SULT6B1: variants seen among roughly 807,000 people sequenced by gnomAD.
The protein encoded by SULT6B1 is sulfotransferase 6B1.
SULT6B1 carries 44 observed loss-of-function variants against 37.2 expected under a neutral mutation model. The ratio of observed to expected loss-of-function variants is 1.18; its 90% CI spans 0.93 to 1.52. SULT6B1 has a LOEUF of 1.52. SULT6B1 is among the 40% of genes most tolerant of loss of function. SULT6B1 has a pLI of 0.00. For missense variants in SULT6B1, 450 were observed against 361.0 expected (o/e 1.25, Z -2.00); for synonymous variants, 140 against 126.0 (o/e 1.11, Z -0.74).
rs1676298632 is a variant in SULT6B1 at position 37,171,531 on chromosome 2, C to T, written c.684G>A (p.Glu228=). 1.2e-6 allele frequency: 2 copies of T among 1,614,134 alleles called. No individual in the cohort carries two copies. Among genetic ancestry groups the T allele is most frequent in the African/African-American group, 2.7e-5 (2 of 75,048 alleles). ...AEFLGFFLTG[E]QIQTISVQST... ...TCTGGACTGAGATAGTTTGAATTTG[C>T]TCCCCAGTTAGAAAGAATCCCAAGA... Residue 228 remains glutamate (E), a synonymous_variant, in exon 6 of 7, where the codon GAG becomes GAA. Coordinates refer to ENST00000535679, the MANE Select transcript of SULT6B1 (RefSeq NM_001367551.1).
At chr2:37,176,784 C>G (rs899844319) in intron 4 of SULT6B1, among the ~76,000 whole-genome samples, 1 of 152,126 alleles carries the variant, frequency 6.6e-6, no homozygotes, top group Non-Finnish European at 1.5e-5. Context: ...GATATCCTGC[C>G]TTCCTCAGAG....
At chr2:37,170,534 C>G (rs756898944) in intron 6 of SULT6B1, among the ~76,000 whole-genome samples, 2 of 151,850 alleles carry the variant, frequency 1.3e-5, no homozygotes, top group Admixed American at 1.3e-4. Flanking sequence ...CAGTGGCTCA[C>G]GCCTGTAATC....
At chr2:37,175,849 C>T (rs1173447688) in intron 4 of SULT6B1, among the ~76,000 whole-genome samples, 4 of 152,104 alleles carry the variant, frequency 2.6e-5, no homozygotes, top group South Asian at 2.1e-4. Context: ...ATTGAAAATA[C>T]TTGATGTATA....
intron 5 of SULT6B1, among the ~76,000 whole-genome samples, chr2:37,174,092 C>A (rs10432634): frequency 0.28 from 41,822 of 151,838 alleles, 6,840 homozygotes; most frequent in East Asian, 0.79. Flanking sequence ...CAGGACTATC[C>A]CAGCTTTTGC....
intron 6 of SULT6B1, 141 bp from the exon 7 acceptor site, chr2:37,168,206 T>C (rs908086202): frequency 7.3e-6 from 6 of 822,182 alleles, no homozygotes; most frequent in Admixed American, 8.2e-5. Context: ...TTTAGTTTTT[T>C]TCAGACGGTG....
At chr2:37,173,971 G>C (rs1228143300) in intron 5 of SULT6B1, among the ~76,000 whole-genome samples, 1 of 152,102 alleles carries the variant, frequency 6.6e-6, no homozygotes, top group African/African-American at 2.4e-5. Context: ...CAAAGTGAAA[G>C]CCAGAGTGAG....
At chr2:37,195,232 G>A (rs924961669) in intron 1 of SULT6B1, among the ~76,000 whole-genome samples, 1 of 152,228 alleles carries the variant, frequency 6.6e-6, no homozygotes, top group South Asian at 2.1e-4. Context: ...TTACAGGTGT[G>A]AGCCACCGCA....
intron 4 of SULT6B1, among the ~76,000 whole-genome samples, chr2:37,179,115 C>T (rs1028215058): frequency 5.3e-5 from 8 of 152,144 alleles, no homozygotes; most frequent in South Asian, 2.1e-4. Flanking sequence ...CGTGCCACCA[C>T]GCCAGGCTAA....
chr2:37,169,212 C>A (rs539419059), intron 6 of SULT6B1, among the ~76,000 whole-genome samples: 4 of 152,264 alleles, frequency 2.6e-5, no homozygotes, highest in African/African-American at 9.6e-5. Context: ...CTATTTCCTA[C>A]CTCCTGAAAG....
upstream of SULT6B1, among the ~76,000 whole-genome samples, chr2:37,193,438 G>C (rs1572469973): frequency 6.6e-6 from 1 of 151,870 alleles, no homozygotes; most frequent in Non-Finnish European, 1.5e-5. Context: ...CTCCAGCCCG[G>C]GTGACAGAGT....
chr2:37,180,208 C>G (rs1471482950), intron 3 of SULT6B1, among the ~76,000 whole-genome samples: 1 of 152,202 alleles, frequency 6.6e-6, no homozygotes, highest in African/African-American at 2.4e-5. Context: ...CCTTCTATTT[C>G]AAGAACTGAG....
At chr2:37,183,800 T>C (rs1172907278) in intron 2 of SULT6B1, among the ~76,000 whole-genome samples, 1 of 152,146 alleles carries the variant, frequency 6.6e-6, no homozygotes, top group African/African-American at 2.4e-5. Context: ...TCTACCACCA[T>C]GCCCAGTTAA....
chr2:37,193,604 AAG>A (rs1233390946), upstream of SULT6B1, among the ~76,000 whole-genome samples: 1 of 111,652 alleles, frequency 9.0e-6, no homozygotes, highest in Non-Finnish European at 1.9e-5. Context: ...GAAAAAGAAG[AAG>A]AAGAAGAAGA....
chr2:37,188,548 C>G lies in SULT6B1; in HGVS notation c.93G>C (p.Gln31His). Residue 31 changes from glutamine to histidine, a missense_variant, in exon 1 of 7, where the codon CAG (glutamine) becomes CAC (histidine). Transcript: ENST00000535679. ...TALSHLFFTY[Q>H]GIPYPITMCT... ...ACATGGTGATGGGGTAAGGAATCCC[C>G]TGATAGGTGAAAAATAAATGAGAGA... is the stretch of plus-strand genomic sequence containing the variant. The G allele has an allele frequency of 2.5e-6, 4 of 1,612,932 alleles. No homozygotes were observed. The highest frequency in any genetic ancestry group is 3.4e-6 in the Non-Finnish European group (4 of 1,178,928).
At position 37,188,528 on chromosome 2, in the gene SULT6B1, G is replaced by T. The variant is rs1309112870; in HGVS notation, c.113C>A (p.Thr38Asn). The change falls in exon 1 of 7, where the codon ACC (threonine) becomes AAC (asparagine). Residue 38 changes from threonine (T) to asparagine (N), a missense_variant. Physicochemically the swap from Thr to Asn is moderately conservative, Grantham distance 65. Coordinates refer to ENST00000535679, the MANE Select transcript of SULT6B1 (RefSeq NM_001367551.1). ...TTGGAAAGTTTCTGAGGTGCACATG[G>T]TGATGGGGTAAGGAATCCCCTGATA... ...FTYQGIPYPI[T>N]MCTSETFQAL... 6.2e-7 allele frequency: 1 copy of T among 1,614,150 alleles called. No homozygotes were observed. Among genetic ancestry groups the T allele is most frequent in the East Asian group, 2.2e-5 (1 of 44,884 alleles).
At chr2:37,179,411 G>C (rs11569745) in intron 4 of SULT6B1, 47 bp downstream of exon 4, 2 of 1,606,780 alleles carry the variant, frequency 1.2e-6, no homozygotes, top group Non-Finnish European at 1.7e-6. Flanking sequence ...TCACATTTAT[G>C]TGGTCATCTG....
upstream of SULT6B1, among the ~76,000 whole-genome samples, chr2:37,190,190 C>G (rs1188016138): frequency 2.6e-5 from 4 of 152,216 alleles, no homozygotes; most frequent in Admixed American, 1.3e-4. Context: ...TCATAATTTA[C>G]TCTTTGGCCT....
At chr2:37,190,236 T>G (rs926492690), upstream of SULT6B1, among the ~76,000 whole-genome samples, 4 of 152,372 alleles carry the variant, frequency 2.6e-5, no homozygotes, top group Non-Finnish European at 1.5e-5. Context: ...GTAGACTGTA[T>G]ATTTCTTCTT....
intron 6 of SULT6B1, among the ~76,000 whole-genome samples, chr2:37,170,811 A>G (rs1250605133): frequency 1.3e-5 from 2 of 151,840 alleles, no homozygotes; most frequent in Non-Finnish European, 2.9e-5. Flanking sequence ...TCACTCAGCT[A>G]ATACGATTCT....
Sources: allele counts gnomAD v4.1 joint callset (sites outside exome capture counted in the v4.1 genomes callset), GRCh38; gene constraint gnomAD v4.1.1; transcripts MANE v1.5; gene names NCBI Gene and HGNC (gene_info 2026-07-23, HGNC 2026-07-21).